Variants in TMEM132B observed in about 807,000 individuals in gnomAD.
The protein encoded by TMEM132B is transmembrane protein 132B.
Under a neutral mutation model 90.8 loss-of-function variants are expected in TMEM132B, and 18 were observed. That is an observed-to-expected ratio of 0.20 (90% CI 0.14 to 0.29). TMEM132B has a LOEUF of 0.29. TMEM132B is among the 10% of genes least tolerant of loss of function. TMEM132B has a pLI of 1.00. For synonymous variants in TMEM132B, 504 were observed against 523.3 expected (o/e 0.96, Z 0.50); for missense variants, 1,096 against 1,326.8 (o/e 0.83, Z 2.70).
chr12:125,424,146 G>A (rs1190626311), intron 3 of TMEM132B, among the ~76,000 whole-genome samples: 2 of 152,012 alleles, frequency 1.3e-5, no homozygotes, highest in Non-Finnish European at 2.9e-5. Flanking sequence ...CCATTTTTAT[G>A]AGGTTGCATC....
intron 4 of TMEM132B, among the ~76,000 whole-genome samples, chr12:125,521,608 C>G (rs1883308372): frequency 6.6e-6 from 1 of 152,162 alleles, no homozygotes; most frequent in Non-Finnish European, 1.5e-5. Context: ...GCTACTACCC[C>G]CAGGCCAGAG....
At chr12:125,475,288 G>A (rs1881846225) in intron 3 of TMEM132B, among the ~76,000 whole-genome samples, 1 of 152,122 alleles carries the variant, frequency 6.6e-6, no homozygotes, top group South Asian at 2.1e-4. Flanking sequence ...TTTATTTATA[G>A]CAAAACTTAG....
intron 4 of TMEM132B, among the ~76,000 whole-genome samples, chr12:125,563,613 C>A (rs1387425259): frequency 7.3e-6 from 1 of 136,618 alleles, no homozygotes; most frequent in African/African-American, 3.0e-5. Context: ...AAAAACCCCA[C>A]AGTATCTGTG....
At chr12:125,362,626 C>T (rs326406) in intron 2 of TMEM132B, among the ~76,000 whole-genome samples, 4,647 of 152,272 alleles carry the variant, frequency 0.031, 240 homozygotes, top group African/African-American at 0.11. Context: ...TCTCCCTGCC[C>T]CTTGGCTCCT....
chr12:125,320,731 G>A (rs1328707754), intron 1 of TMEM132B, among the ~76,000 whole-genome samples: 4 of 152,144 alleles, frequency 2.6e-5, no homozygotes, highest in Non-Finnish European at 4.4e-5. Context: ...GAAACACCAC[G>A]CACCATAGGG....
chr12:125,593,760 C>G (rs927490511), intron 5 of TMEM132B, among the ~76,000 whole-genome samples: 1 of 152,094 alleles, frequency 6.6e-6, no homozygotes, highest in African/African-American at 2.4e-5. Context: ...ATTTGGTTTC[C>G]TGAAGAAACT....
intron 3 of TMEM132B, among the ~76,000 whole-genome samples, chr12:125,449,439 CT>C (rs1390133418): frequency 6.6e-6 from 1 of 151,858 alleles, no homozygotes; most frequent in East Asian, 1.9e-4. Context: ...TATTTTATTC[CT>C]GATATTCATA....
At chr12:125,419,541 C>T (rs1880114659) in intron 3 of TMEM132B, among the ~76,000 whole-genome samples, 1 of 152,168 alleles carries the variant, frequency 6.6e-6, no homozygotes, top group Non-Finnish European at 1.5e-5. Flanking sequence ...TCATTTACCT[C>T]CCACCGGGTC....
Position 125,209,905 on chromosome 12 carries a change from C to T in TMEM132B, c.67+23039C>T, listed in dbSNP as rs1221523670. Among the ~76,000 whole-genome samples the T allele has an allele frequency of 2.0e-5, 3 of 152,166 alleles. No homozygotes were observed. The highest frequency in any genetic ancestry group is 4.4e-5 in the Non-Finnish European group (3 of 68,030). ...GCCAGAGTGTCTTCCTCGCCTTGTC[C>T]TGTGAGTCTCGTAGGTGCCTGCTCA... On this transcript the variant is annotated intron_variant, in intron 1 of 8. Transcript: ENST00000682704. The surrounding 1 kb of genome is among the most constrained non-coding windows in gnomAD (Gnocchi z 4.4).
At chr12:125,580,536 T>C (rs547029228) in intron 4 of TMEM132B, among the ~76,000 whole-genome samples, 1 of 152,318 alleles carries the variant, frequency 6.6e-6, no homozygotes, top group South Asian at 2.1e-4. Flanking sequence ...TGGTTTTTAC[T>C]GTCAATGTAG....
rs146321359 is a variant in TMEM132B at position 125,440,697 on chromosome 12, T to A, written c.1106+25020T>A. On this transcript the variant is annotated intron_variant, in intron 3 of 8. Coordinates refer to ENST00000682704, the MANE Select transcript of TMEM132B (RefSeq NM_001366854.1). ...TGGTTCAGTTGCAATCTCCAATATG[T>A]AGGCAACAAATCAGTGGCCCATAAA... Among the ~76,000 whole-genome samples, 400 of 152,348 alleles carry A rather than the reference T, an allele frequency of 2.6e-3. 2 individuals carry two copies. Among genetic ancestry groups the A allele is most frequent in the African/African-American group, 8.8e-3 (364 of 41,580 alleles).
intron 1 of TMEM132B, among the ~76,000 whole-genome samples, chr12:125,220,029 A>C (rs964843262): frequency 6.6e-6 from 1 of 152,242 alleles, no homozygotes; most frequent in Non-Finnish European, 1.5e-5. Flanking sequence ...CCTATGAAGT[A>C]GGCATTCAAC....
At chr12:125,419,644 C>T (rs1402957635) in intron 3 of TMEM132B, among the ~76,000 whole-genome samples, 1 of 152,150 alleles carries the variant, frequency 6.6e-6, no homozygotes, top group Non-Finnish European at 1.5e-5. Context: ...CTGGCCCTTC[C>T]CAAATCTCGT....
At chr12:125,309,993 C>T (rs533622272) in intron 1 of TMEM132B, among the ~76,000 whole-genome samples, 1 of 152,282 alleles carries the variant, frequency 6.6e-6, no homozygotes, top group Non-Finnish European at 1.5e-5. Context: ...GGAACACCTC[C>T]ATGAGCCCCT....
intron 8 of TMEM132B, among the ~76,000 whole-genome samples, chr12:125,652,911 C>A (rs1263952063): frequency 6.6e-6 from 1 of 152,204 alleles, no homozygotes; most frequent in Non-Finnish European, 1.5e-5. Context: ...TAGACCATGA[C>A]CAAAGGATCA....
chr12:125,504,067 G>A (rs543174490), intron 3 of TMEM132B, among the ~76,000 whole-genome samples: 8 of 152,210 alleles, frequency 5.3e-5, no homozygotes, highest in Non-Finnish European at 1.0e-4. Context: ...TAATTAATTG[G>A]TGACAGGAGA....
At chr12:125,217,966 G>T (rs1451438989) in intron 1 of TMEM132B, among the ~76,000 whole-genome samples, 1 of 152,206 alleles carries the variant, frequency 6.6e-6, no homozygotes. Context: ...ACATATCCAT[G>T]CAGGGAAATA....
Position 125,186,432 on chromosome 12 carries a change from G to A in TMEM132B, c.-368G>A, listed in dbSNP as rs1182081424. Among the ~76,000 whole-genome samples, 21 of 90,890 alleles carry A rather than the reference G, an allele frequency of 2.3e-4. No homozygotes were observed. The highest frequency in any genetic ancestry group is 3.8e-4 in the African/African-American group (14 of 36,520). 59.6% of individuals were successfully genotyped at this position (90,890 alleles called of 152,430 possible). A position where few individuals can be genotyped will look rare whatever the true frequency, so the allele number is the denominator to read the frequency against. On this transcript the variant is annotated 5_prime_UTR_variant, in exon 1 of 9. Transcript: ENST00000682704. The surrounding 1 kb of genome is among the most constrained non-coding windows in gnomAD (Gnocchi z 6.3). ...GCGGCCGGCAGATGGCGATGGCAGA[G>A]GCGGCGGCGGCGGCGGCGGCGCGAC...
Position 125,352,986 on chromosome 12 carries a change from G to T in TMEM132B, c.959+2643G>T, listed in dbSNP as rs191606912. Among the ~76,000 whole-genome samples the T allele has an allele frequency of 1.8e-4, 27 of 152,322 alleles. No individual in the cohort carries two copies. The East Asian group carries it at 5.0e-3, about 28-fold the overall frequency. On this transcript the variant is annotated intron_variant, in intron 2 of 8. Transcript: ENST00000682704. ...TCACTCCACTGGAAGGGGTGGGGTG[G>T]TCTAAAACCAGTTCTTGGCTCTGAT...
Sources: allele counts gnomAD v4.1 joint callset (sites outside exome capture counted in the v4.1 genomes callset), GRCh38; gene constraint gnomAD v4.1.1; non-coding constraint Gnocchi (gnomAD v3.1); transcripts MANE v1.5; gene names NCBI Gene and HGNC (gene_info 2026-07-23, HGNC 2026-07-21).